STAT1: variants seen among roughly 807,000 people sequenced by gnomAD.
The protein encoded by STAT1 is signal transducer and activator of transcription 1, also known as signal transducer and activator of transcription 1-alpha/beta.
Under a neutral mutation model 111.7 loss-of-function variants are expected in STAT1, and 24 were observed. The observed-to-expected ratio is 0.21, with a 90% CI of 0.16 to 0.30. The LOEUF (loss-of-function observed/expected upper bound fraction) is 0.30. STAT1 is among the 10% of genes least tolerant of loss of function. The pLI is 1.00. For synonymous variants in STAT1, 332 were observed against 326.5 expected (o/e 1.02, Z -0.18); for missense variants, 351 against 911.9 (o/e 0.38, Z 7.92).
rs979321693 is a variant in STAT1, at chr2:190,990,682, G to A, written c.1037+546C>T. Among the ~76,000 whole-genome samples, 21 of 152,168 alleles carry A rather than the reference G, an allele frequency of 1.4e-4. No individual in the cohort carries two copies. Among genetic ancestry groups the A allele is most frequent in the African/African-American group, 4.6e-4 (19 of 41,420 alleles). ...AGGAAACATTATGTCATGTTTGTGCGTGTGTGTTTCCGTATGAAATATATA... is the reference window on the plus strand; with the variant it reads ...AGGAAACATTATGTCATGTTTGTGCATGTGTGTTTCCGTATGAAATATATA... On this transcript the variant is annotated intron_variant, in intron 11 of 24. Transcript: ENST00000361099. The surrounding 1 kb of genome is among the most constrained non-coding windows in gnomAD (Gnocchi z 5.1).
chr2:190,987,774 A>G lies in STAT1; in HGVS notation c.1098-706T>C, dbSNP rs374216276. 9.2e-5 allele frequency among the ~76,000 whole-genome samples: 14 copies of G among 152,332 alleles called. No homozygotes were observed. The highest frequency in any genetic ancestry group is 3.9e-4 in the East Asian group (2 of 5,186). ...AAATCATGGGCTCACTCACAGATCTATTAGTTCCCCTTCCTTTCCAATCTC... is the reference window on the plus strand; with the variant it reads ...AAATCATGGGCTCACTCACAGATCTGTTAGTTCCCCTTCCTTTCCAATCTC... On this transcript the variant is annotated intron_variant, in intron 12 of 24. Transcript: ENST00000361099. This position sits in a 1 kb window ranked among gnomAD's most constrained non-coding sequence, Gnocchi z 4.0.
In STAT1 at chr2:190,983,234, G is replaced by A. The variant is rs575862531; in HGVS notation, c.1446+408C>T. On this transcript the variant is annotated intron_variant, in intron 17 of 24. Coordinates refer to ENST00000361099, the MANE Select transcript of STAT1 (RefSeq NM_007315.4). This position sits in a 1 kb window ranked among gnomAD's most constrained non-coding sequence, Gnocchi z 5.7. The stretch of plus-strand genomic sequence containing the variant: ...GGAACCTAGCCTCGTAGTTCCCTTA[G>A]GAGCAACAATTCATTATTTGCTAGT... Among the ~76,000 whole-genome samples, 1 of 152,252 alleles carries A rather than the reference G, an allele frequency of 6.6e-6. No individual in the cohort carries two copies. Among genetic ancestry groups the A allele is most frequent in the East Asian group, 1.9e-4 (1 of 5,182 alleles).
chr2:190,979,691 T>C lies in STAT1; in HGVS notation c.1727+81A>G. 1 of 1,142,384 alleles carries C rather than the reference T, an allele frequency of 8.8e-7. No individual in the cohort carries two copies. The highest frequency in any genetic ancestry group is 1.3e-6 in the Non-Finnish European group (1 of 752,458). 70.8% of individuals were successfully genotyped at this position (1,142,384 alleles called of 1,614,324 possible). On this transcript the variant is annotated intron_variant, in intron 20 of 24. Transcript: ENST00000361099. The surrounding 1 kb of genome is among the most constrained non-coding windows in gnomAD (Gnocchi z 5.8). Reference sequence around the variant, plus strand: ...TGAGATTCACACACGCCTAGTCAAATACTGAAGCTGGACTCAGGCCTTGTC... The same window carrying C: ...TGAGATTCACACACGCCTAGTCAAACACTGAAGCTGGACTCAGGCCTTGTC...
At position 190,998,371 on chromosome 2, in the gene STAT1, C is replaced by T. The variant is rs565791504; in HGVS notation, c.542-63G>A. 14 of 1,341,872 alleles carry T rather than the reference C, an allele frequency of 1.0e-5. No individual in the cohort carries two copies. The South Asian group carries it at 1.5e-4, about 15-fold the overall frequency. The allele number at this position is 1,341,872 out of a possible 1,614,324, so 83.1% of individuals were successfully genotyped here. A position where few individuals can be genotyped will look rare whatever the true frequency, so the allele number is the denominator to read the frequency against. The stretch of plus-strand genomic sequence containing the variant: ...GACAAAACCAACAAAAGCCAAGATT[C>T]ATATAAATTTAGGATAAATATGACA... On this transcript the variant is annotated intron_variant, in intron 7 of 24. Transcript: ENST00000361099. This position sits in a 1 kb window ranked among gnomAD's most constrained non-coding sequence, Gnocchi z 4.1.
intron 5 of STAT1, among the ~76,000 whole-genome samples, chr2:191,001,559 C>A (rs1274044037): frequency 6.6e-6 from 1 of 152,140 alleles, no homozygotes; most frequent in South Asian, 2.1e-4. Flanking sequence ...CATCTCACCA[C>A]CTAGGATCTT....
intron 5 of STAT1, 43 bp from the exon 6 acceptor site, chr2:191,001,206 G>T (rs372610322): frequency 5.3e-4 from 793 of 1,499,844 alleles, no homozygotes; most frequent in Non-Finnish European, 6.9e-4. Context: ...TTTTCTTCAG[G>T]GTGTGTACTT....
In STAT1 at chr2:191,006,888, C is replaced by G. The variant is rs1694741088; in HGVS notation, c.372+675G>C. ...TATCTTGATGTTGCTCAAAACAAAGCCCTTGATTTTCCCATCAGCCTCCTT... is the reference window on the plus strand; with the variant it reads ...TATCTTGATGTTGCTCAAAACAAAGGCCTTGATTTTCCCATCAGCCTCCTT... On this transcript the variant is annotated intron_variant, in intron 5 of 24. Coordinates refer to ENST00000361099, the MANE Select transcript of STAT1 (RefSeq NM_007315.4). The surrounding 1 kb of genome is among the most constrained non-coding windows in gnomAD (Gnocchi z 4.6). Among the ~76,000 whole-genome samples the G allele has an allele frequency of 6.6e-6, 1 of 152,142 alleles. No individual in the cohort carries two copies. The highest frequency in any genetic ancestry group is 6.5e-5 in the Admixed American group (1 of 15,274).
In STAT1 at chr2:190,990,274, T is replaced by C. The variant is rs1257978567; in HGVS notation, c.1038-600A>G. On this transcript the variant is annotated intron_variant, in intron 11 of 24. Transcript: ENST00000361099. The surrounding 1 kb of genome is among the most constrained non-coding windows in gnomAD (Gnocchi z 5.1). ...CAGGTGGATGGGATCAGATTTCTAC[T>C]GTCCCTTCCAGCTGCTGAGTTCTAA... 6.6e-6 allele frequency among the ~76,000 whole-genome samples: 1 copy of C among 152,168 alleles called. No homozygotes were observed.
At position 190,983,896 on chromosome 2, in the gene STAT1, TTTAAC is replaced by T. The variant is rs1692580345; in HGVS notation, c.1348-161_1348-157del. Among the ~76,000 whole-genome samples the T allele has an allele frequency of 6.6e-6, 1 of 152,232 alleles. No homozygotes were observed. Among genetic ancestry groups the T allele is most frequent in the African/African-American group, 2.4e-5 (1 of 41,450 alleles). On this transcript the variant is annotated intron_variant, in intron 16 of 24. Transcript: ENST00000361099. The surrounding 1 kb of genome is among the most constrained non-coding windows in gnomAD (Gnocchi z 5.7). ...TGTTAAGTTCTGTTCTTCTGTCCAGTTTAACTTGTCTTTGATGTATCTTTCAGTTA... is the reference window on the plus strand; with the variant it reads ...TGTTAAGTTCTGTTCTTCTGTCCAGTTTGTCTTTGATGTATCTTTCAGTTA...
Position 190,995,378 on chromosome 2 carries a change from T to G in STAT1, c.786-159A>C, listed in dbSNP as rs1693771589. On this transcript the variant is annotated intron_variant, in intron 9 of 24. Coordinates refer to ENST00000361099, the MANE Select transcript of STAT1 (RefSeq NM_007315.4). This position sits in a 1 kb window ranked among gnomAD's most constrained non-coding sequence, Gnocchi z 4.2. Reference sequence around the variant, plus strand: ...GGAAAGAGGTTTAATTGACACATAGTTCCACATGGCTGAGGAGGCCCCACA... The same window carrying G: ...GGAAAGAGGTTTAATTGACACATAGGTCCACATGGCTGAGGAGGCCCCACA... Among the ~76,000 whole-genome samples the G allele has an allele frequency of 6.6e-6, 1 of 152,224 alleles. No homozygotes were observed. The highest frequency in any genetic ancestry group is 2.4e-5 in the African/African-American group (1 of 41,452).
rs1402164682 is a variant in STAT1 at position 190,989,388 on chromosome 2, G to A, written c.1097+227C>T. On this transcript the variant is annotated intron_variant, in intron 12 of 24. Transcript: ENST00000361099. The surrounding 1 kb of genome is among the most constrained non-coding windows in gnomAD (Gnocchi z 5.0). ...GGGAGCTGCTGATTTAAATCTGCTG[G>A]GGTCATTTGTGATGGCCCTGGTGGA... 6.6e-6 allele frequency among the ~76,000 whole-genome samples: 1 copy of A among 152,194 alleles called. No homozygotes were observed. Among genetic ancestry groups the A allele is most frequent in the Non-Finnish European group, 1.5e-5 (1 of 68,034 alleles).
chr2:190,978,596 A>G lies in STAT1; in HGVS notation c.1873+260T>C. 1.9e-6 allele frequency: 1 copy of G among 528,012 alleles called. No homozygotes were observed. The highest frequency in any genetic ancestry group is 2.0e-5 in the South Asian group (1 of 50,800). 32.7% of individuals were successfully genotyped at this position (528,012 alleles called of 1,614,324 possible). A position where few individuals can be genotyped will look rare whatever the true frequency, so the allele number is the denominator to read the frequency against. On this transcript the variant is annotated intron_variant, in intron 21 of 24. Transcript: ENST00000361099. This position sits in a 1 kb window ranked among gnomAD's most constrained non-coding sequence, Gnocchi z 6.1. ...ACATTGACTCACATCCTTGATCTGC[A>G]GATAACAAACCTGATGCAAAGGAAA...
rs371147071 is a variant in STAT1 at position 190,978,983 on chromosome 2, G to T, written c.1746C>A (p.Ile582=). 28 of 1,614,092 alleles carry T rather than the reference G, an allele frequency of 1.7e-5. No individual in the cohort carries two copies. The highest frequency in any genetic ancestry group is 2.0e-5 in the Non-Finnish European group (24 of 1,180,046). Residue 582 remains isoleucine (I), a synonymous_variant, in exon 21 of 25, where the codon ATC becomes ATA. Coordinates refer to ENST00000361099, the MANE Select transcript of STAT1 (RefSeq NM_007315.4). The surrounding 1 kb of genome is among the most constrained non-coding windows in gnomAD (Gnocchi z 6.1). The part of the protein sequence containing the change: ...LWNDGCIMGF[I]SKERERALLK... Reference sequence around the variant, plus strand: ...ACAGGGCACGCTCTCGCTCCTTGCTGATGAAGCCCATGATGCACCTGGATA... The same window carrying T: ...ACAGGGCACGCTCTCGCTCCTTGCTTATGAAGCCCATGATGCACCTGGATA...
chr2:191,009,209 TTAAG>T (rs1490819961), intron 3 of STAT1, 102 bp from the exon 4 acceptor site: 25 of 1,368,214 alleles, frequency 1.8e-5, no homozygotes, highest in Non-Finnish European at 2.4e-5. Context: ...TAAAAATAAT[TTAAG>T]TATTTTCTTA....
At position 190,997,072 on chromosome 2, in the gene STAT1, C is replaced by A. The variant is rs1038223717; in HGVS notation, c.785+784G>T. 6.6e-6 allele frequency among the ~76,000 whole-genome samples: 1 copy of A among 152,210 alleles called. No homozygotes were observed. Among genetic ancestry groups the A allele is most frequent in the African/African-American group, 2.4e-5 (1 of 41,434 alleles). ...ACCATCAGGCTCCAGCATCTCCCAC[C>A]GGGTCCACTTTCCTTCCCATCTCCC... On this transcript the variant is annotated intron_variant, in intron 9 of 24. Coordinates refer to ENST00000361099, the MANE Select transcript of STAT1 (RefSeq NM_007315.4). The surrounding 1 kb of genome is among the most constrained non-coding windows in gnomAD (Gnocchi z 7.3).
At position 190,971,669 on chromosome 2, in the gene STAT1, C is replaced by T. The variant is rs1455807180; in HGVS notation, c.2239-952G>A. ...TGAAAAGCACAGTGAAAGTGTTGCC[C>T]CTATGTTTCAGTCTAGCTTATGTTT... On this transcript the variant is annotated intron_variant, in intron 24 of 24. Coordinates refer to ENST00000361099, the MANE Select transcript of STAT1 (RefSeq NM_007315.4). This position sits in a 1 kb window ranked among gnomAD's most constrained non-coding sequence, Gnocchi z 4.1. 2.0e-5 allele frequency among the ~76,000 whole-genome samples: 3 copies of T among 151,326 alleles called. No individual in the cohort carries two copies. The highest frequency in any genetic ancestry group is 4.4e-5 in the Non-Finnish European group (3 of 67,892).
rs1691331728 is a variant in STAT1, at chr2:190,969,993, G to T, written c.*710C>A. 6.5e-6 allele frequency: 1 copy of T among 152,796 alleles called. No homozygotes were observed. The highest frequency in any genetic ancestry group is 1.5e-5 in the Non-Finnish European group (1 of 68,490). 9.5% of individuals were successfully genotyped at this position (152,796 alleles called of 1,614,324 possible). A position where few individuals can be genotyped will look rare whatever the true frequency, so the allele number is the denominator to read the frequency against. ...ATATCAAACACAACTTGTGAATTTG[G>T]AAATGTACATCCTTCTATTGATATT... On this transcript the variant is annotated 3_prime_UTR_variant, in exon 25 of 25. Coordinates refer to ENST00000361099, the MANE Select transcript of STAT1 (RefSeq NM_007315.4).
In STAT1 at chr2:191,006,082, G is replaced by A. The variant is rs138062406; in HGVS notation, c.372+1481C>T. 1.3e-5 allele frequency among the ~76,000 whole-genome samples: 2 copies of A among 152,354 alleles called. No homozygotes were observed. The highest frequency in any genetic ancestry group is 3.9e-4 in the East Asian group (2 of 5,194). On this transcript the variant is annotated intron_variant, in intron 5 of 24. Coordinates refer to ENST00000361099, the MANE Select transcript of STAT1 (RefSeq NM_007315.4). This position sits in a 1 kb window ranked among gnomAD's most constrained non-coding sequence, Gnocchi z 4.6. ...CTCTGGGCCAAGGGGCCAAATGTGA[G>A]GATGACATGCTTGCAGCTGGGGGAA...
chr2:190,977,418 T>G lies in STAT1; in HGVS notation c.1874-393A>C, dbSNP rs906896806. Among the ~76,000 whole-genome samples the G allele has an allele frequency of 6.6e-5, 10 of 152,200 alleles. No individual in the cohort carries two copies. The highest frequency in any genetic ancestry group is 2.2e-4 in the African/African-American group (9 of 41,450). On this transcript the variant is annotated intron_variant, in intron 21 of 24. Coordinates refer to ENST00000361099, the MANE Select transcript of STAT1 (RefSeq NM_007315.4). This position sits in a 1 kb window ranked among gnomAD's most constrained non-coding sequence, Gnocchi z 4.7. The stretch of plus-strand genomic sequence containing the variant: ...AATTACTAGAGATAAACTCACTTTG[T>G]TTTTCTTTTCATATTGAAAAATCTA...
Sources: allele counts gnomAD v4.1 joint callset (sites outside exome capture counted in the v4.1 genomes callset), GRCh38; gene constraint gnomAD v4.1.1; non-coding constraint Gnocchi (gnomAD v3.1); transcripts MANE v1.5; gene names NCBI Gene and HGNC (gene_info 2026-07-23, HGNC 2026-07-21).